Variants in CACHD1 observed in about 807,000 individuals in gnomAD.
CACHD1 encodes the protein cache domain containing 1, also known as VWFA and cache domain-containing protein 1.
A neutral mutation model predicts 138.7 loss-of-function variants in CACHD1; 71 were observed. That is an observed-to-expected ratio of 0.51 (90% CI 0.42 to 0.62). CACHD1 has a LOEUF of 0.62. CACHD1 is among the 20% of genes least tolerant of loss of function. CACHD1 has a pLI of 0.00. For synonymous variants in CACHD1, 578 were observed against 591.5 expected (o/e 0.98, Z 0.33); for missense variants, 1,389 against 1,625.3 (o/e 0.85, Z 2.50).
chr1:64,611,763 C>T (rs1435051707), intron 4 of CACHD1, among the ~76,000 whole-genome samples: 1 of 152,204 alleles, frequency 6.6e-6, no homozygotes, highest in Non-Finnish European at 1.5e-5. Context: ...GCCCTCCAAT[C>T]TCTGCTGGTT....
intron 4 of CACHD1, among the ~76,000 whole-genome samples, chr1:64,617,221 G>T (rs1647746409): frequency 1.3e-5 from 2 of 151,842 alleles, no homozygotes; most frequent in African/African-American, 4.8e-5. Flanking sequence ...GAATCAGAAT[G>T]TTGGCTTGGT....
chr1:64,662,866 A>C (rs1649488507), intron 13 of CACHD1, among the ~76,000 whole-genome samples: 1 of 152,168 alleles, frequency 6.6e-6, no homozygotes, highest in African/African-American at 2.4e-5. Context: ...CTGAGTGAAT[A>C]ATTTTTATTT....
chr1:64,644,484 G>C (rs1483480851), intron 8 of CACHD1, among the ~76,000 whole-genome samples: 1 of 152,222 alleles, frequency 6.6e-6, no homozygotes, highest in South Asian at 2.1e-4. Flanking sequence ...GTCTGCCTGG[G>C]CAGATACTTC....
At chr1:64,613,015 A>G (rs1477271087) in intron 4 of CACHD1, among the ~76,000 whole-genome samples, 1 of 152,220 alleles carries the variant, frequency 6.6e-6, no homozygotes, top group East Asian at 1.9e-4. Context: ...TCAAAATATC[A>G]ACATTAATAG....
intron 13 of CACHD1, among the ~76,000 whole-genome samples, chr1:64,661,964 A>C (rs1254856014): frequency 6.6e-6 from 1 of 152,236 alleles, no homozygotes; most frequent in African/African-American, 2.4e-5. Flanking sequence ...CATCAGAGCT[A>C]ACATGAGAGA....
In CACHD1 at chr1:64,615,475, G is replaced by T. The variant is rs183964607; in HGVS notation, c.517+12563G>T. Among the ~76,000 whole-genome samples the T allele has an allele frequency of 1.8e-4, 27 of 152,220 alleles. No homozygotes were observed. In the East Asian group the frequency reaches 4.8e-3, roughly 27 times the overall value. ...TGGCACATTCTTACTGCAGATTTTT[G>T]ATTTTTTAAGTGAGATGCCTACTTG... On this transcript the variant is annotated intron_variant, in intron 4 of 26. Transcript: ENST00000651257.
At chr1:64,652,436 C>A in intron 10 of CACHD1, 126 bp downstream of exon 10, 1 of 806,292 alleles carries the variant, frequency 1.2e-6, no homozygotes, top group Non-Finnish European at 1.9e-6. Context: ...TAAGATTGCT[C>A]ATTTGTAGTA....
chr1:64,609,978 C>T (rs965470245), intron 4 of CACHD1, among the ~76,000 whole-genome samples: 14 of 150,848 alleles, frequency 9.3e-5, no homozygotes, highest in African/African-American at 2.9e-4. Context: ...AGGAAACTTA[C>T]AATCATGACT....
intron 6 of CACHD1, among the ~76,000 whole-genome samples, 197 bp from the exon 7 acceptor site, chr1:64,633,847 G>A (rs1490389031): frequency 6.6e-6 from 1 of 152,046 alleles, no homozygotes; most frequent in South Asian, 2.1e-4. Flanking sequence ...AAACTCTAGG[G>A]GTTTCCCCAC....
intron 11 of CACHD1, among the ~76,000 whole-genome samples, chr1:64,654,357 C>T (rs571980787): frequency 2.0e-5 from 3 of 152,216 alleles, no homozygotes; most frequent in East Asian, 3.9e-4. Flanking sequence ...AACTGTGATA[C>T]ATTATTTTGG....
intron 24 of CACHD1, among the ~76,000 whole-genome samples, chr1:64,680,810 A>AG (rs1650149348): frequency 6.6e-6 from 1 of 152,232 alleles, no homozygotes; most frequent in African/African-American, 2.4e-5. Context: ...TACCTGATTT[A>AG]GTAACAGGGA....
intron 13 of CACHD1, among the ~76,000 whole-genome samples, chr1:64,659,107 A>G (rs1649359516): frequency 6.6e-6 from 1 of 152,174 alleles, no homozygotes; most frequent in Non-Finnish European, 1.5e-5. Context: ...GCTTTGAGAA[A>G]CCAGTGAAGA....
At chr1:64,547,109 G>T (rs1646723994) in intron 1 of CACHD1, among the ~76,000 whole-genome samples, 1 of 152,128 alleles carries the variant, frequency 6.6e-6, no homozygotes, top group Admixed American at 6.5e-5. Flanking sequence ...TCTACCTTTG[G>T]AAGTGTAGTT....
rs545462038 is a variant in CACHD1 at position 64,507,148 on chromosome 1, T to C, written c.198+36206T>C. On this transcript the variant is annotated intron_variant, in intron 1 of 26. Coordinates refer to ENST00000651257, the MANE Select transcript of CACHD1 (RefSeq NM_020925.4). Reference sequence around the variant, plus strand: ...CATGCTTTGAAGGTTGTTCTTGATGTGTTAGGATAGGACCAGGAGACTGAC... The same window carrying C: ...CATGCTTTGAAGGTTGTTCTTGATGCGTTAGGATAGGACCAGGAGACTGAC... Among the ~76,000 whole-genome samples, 224 of 152,318 alleles carry C rather than the reference T, an allele frequency of 1.5e-3. 2 individuals carry two copies. Among genetic ancestry groups the C allele is most frequent in the South Asian group, 0.012 (58 of 4,822 alleles).
intron 8 of CACHD1, among the ~76,000 whole-genome samples, chr1:64,645,372 G>A (rs1312084803): frequency 1.3e-5 from 2 of 152,064 alleles, no homozygotes; most frequent in Admixed American, 1.3e-4. Context: ...AATGATTGGG[G>A]TGATTCATAC....
At chr1:64,619,699 G>C (rs187558727) in intron 4 of CACHD1, among the ~76,000 whole-genome samples, 62 of 152,214 alleles carry the variant, frequency 4.1e-4, no homozygotes, top group Non-Finnish European at 8.7e-4. Flanking sequence ...CCTTGGTTTA[G>C]TAGAAAGTGT....
rs556318855 is a variant in CACHD1 at position 64,547,518 on chromosome 1, A to G, written c.199-3076A>G. Reference sequence around the variant, plus strand: ...GTAGCCGGGATTACAGGTGTGCACCACCATGCCTGGCTAATTTTTTGTATT... The same window carrying G: ...GTAGCCGGGATTACAGGTGTGCACCGCCATGCCTGGCTAATTTTTTGTATT... On this transcript the variant is annotated intron_variant, in intron 1 of 26. Coordinates refer to ENST00000651257, the MANE Select transcript of CACHD1 (RefSeq NM_020925.4). Among the ~76,000 whole-genome samples, 91 of 152,242 alleles carry G rather than the reference A, an allele frequency of 6.0e-4. 2 individuals carry two copies. The highest frequency in any genetic ancestry group is 3.9e-4 in the Admixed American group (6 of 15,310).
Position 64,585,989 on chromosome 1 carries a change from C to A in CACHD1, c.410+3685C>A, listed in dbSNP as rs867677926. Among the ~76,000 whole-genome samples the A allele has an allele frequency of 4.6e-5, 7 of 151,574 alleles. No individual in the cohort carries two copies. The East Asian group carries it at 9.7e-4, about 21-fold the overall frequency. Reference sequence around the variant, plus strand: ...AAATTCTCAGCTAGCCACCTTTGTTCCAACCCCTCAGAAAGTGCTTTATCT... The same window carrying A: ...AAATTCTCAGCTAGCCACCTTTGTTACAACCCCTCAGAAAGTGCTTTATCT... On this transcript the variant is annotated intron_variant, in intron 3 of 26. Transcript: ENST00000651257.
chr1:64,475,545 T>C (rs561825672), intron 1 of CACHD1, among the ~76,000 whole-genome samples: 79 of 151,970 alleles, frequency 5.2e-4, no homozygotes, highest in African/African-American at 1.9e-3. Context: ...TAGATTTTAT[T>C]TATTTATTTT....
Sources: allele counts gnomAD v4.1 joint callset (sites outside exome capture counted in the v4.1 genomes callset), GRCh38; gene constraint gnomAD v4.1.1; transcripts MANE v1.5; gene names NCBI Gene and HGNC (gene_info 2026-07-23, HGNC 2026-07-21).